Variants in NBAS observed in about 807,000 individuals in gnomAD.
The protein encoded by NBAS is NBAS subunit of NRZ tethering complex.
In NBAS, 219 loss-of-function variants were observed where a neutral mutation model predicts 302.5. That is an observed-to-expected ratio of 0.72 (90% CI 0.65 to 0.81). NBAS has a LOEUF of 0.81. Ranked by LOEUF, NBAS falls within the 30% of genes least tolerant of loss-of-function variation. NBAS has a pLI of 0.00. For missense variants in NBAS, 2,932 were observed against 2,841.6 expected, an observed-to-expected ratio of 1.03 and a Z score of -0.72; for synonymous variants, 1,118 against 1,021.6, an observed-to-expected ratio of 1.09 and a Z score of -1.80.
chr2:15,363,047 A>G (rs1674015026), intron 32 of NBAS, among the ~76,000 whole-genome samples: 1 of 152,222 alleles, frequency 6.6e-6, no homozygotes, highest in East Asian at 1.9e-4. Context: ...ACATAGTGAG[A>G]CCCCGTCTCT....
intron 7 of NBAS, among the ~76,000 whole-genome samples, chr2:15,538,784 T>C (rs1237525370): frequency 6.6e-6 from 1 of 152,180 alleles, no homozygotes; most frequent in Admixed American, 6.5e-5. Flanking sequence ...GAATATAAAA[T>C]CATAATATAT....
chr2:14,886,398 T>C, the NBAS span, among the ~76,000 whole-genome samples: 1 of 152,214 alleles, frequency 6.6e-6, no homozygotes, highest in Non-Finnish European at 1.5e-5. Context: ...AATCATCTCC[T>C]GCGTGAAGCC....
At chr2:15,528,881 AT>A (rs1558414742) in intron 9 of NBAS, among the ~76,000 whole-genome samples, 3,831 of 47,836 alleles carry the variant, frequency 0.08, 183 homozygotes, top group African/African-American at 0.2. Flanking sequence ...AAAAAAAAAT[AT>A]ATATATATAT....
At chr2:15,144,381 C>T in the NBAS span, among the ~76,000 whole-genome samples, 43 of 152,228 alleles carry the variant, frequency 2.8e-4, 1 homozygote, top group Admixed American at 2.3e-3. Context: ...ACCTCCCAGC[C>T]TATTAAATAA....
At chr2:15,132,464 G>C in the NBAS span, among the ~76,000 whole-genome samples, 654 of 152,238 alleles carry the variant, frequency 4.3e-3, 6 homozygotes, top group Non-Finnish European at 6.9e-3. Flanking sequence ...AGTGGATTTG[G>C]GGGGCAGTAA....
the NBAS span, among the ~76,000 whole-genome samples, chr2:15,036,022 A>G: frequency 6.6e-6 from 1 of 151,998 alleles, no homozygotes; most frequent in Non-Finnish European, 1.5e-5. Flanking sequence ...AAGTATGCAC[A>G]TATTTTAAAT....
the NBAS span, among the ~76,000 whole-genome samples, chr2:15,093,686 G>A: frequency 6.6e-6 from 1 of 152,004 alleles, no homozygotes; most frequent in Non-Finnish European, 1.5e-5. Context: ...AGTAAATTAT[G>A]TCCAACACTG....
the NBAS span, among the ~76,000 whole-genome samples, chr2:14,940,078 C>A: frequency 6.6e-6 from 1 of 152,172 alleles, no homozygotes. Context: ...TGCCTTTCAG[C>A]CACTAGTTTA....
At chr2:15,106,363 T>G in the NBAS span, among the ~76,000 whole-genome samples, 1 of 152,214 alleles carries the variant, frequency 6.6e-6, no homozygotes, top group South Asian at 2.1e-4. Flanking sequence ...CACAGAGTAA[T>G]GTGACAAGTG....
intron 44 of NBAS, among the ~76,000 whole-genome samples, chr2:15,264,514 T>C (rs1446146021): frequency 6.6e-6 from 1 of 152,196 alleles, no homozygotes; most frequent in African/African-American, 2.4e-5. Flanking sequence ...GAAATAATTT[T>C]CCAAGCACAG....
At chr2:15,098,837 T>G in the NBAS span, among the ~76,000 whole-genome samples, 1 of 150,566 alleles carries the variant, frequency 6.6e-6, no homozygotes, top group Non-Finnish European at 1.5e-5. Context: ...TTACATATTG[T>G]CTGTGGCTGC....
At chr2:15,402,447 G>A in intron 25 of NBAS, 146 bp from the exon 26 acceptor site, 1 of 792,290 alleles carries the variant, frequency 1.3e-6, no homozygotes, top group Non-Finnish European at 2.0e-6. Context: ...TAGATTTCTG[G>A]GGTCTTTAAT....
Position 15,179,245 on chromosome 2 carries a change from C to A in NBAS, c.6712-129G>T. On this transcript the variant is annotated intron_variant, in intron 50 of 51. Transcript: ENST00000281513. ...TGTGTGTGTAAAGCCACATATGGTA[C>A]CGCACTGGATATACTGAATATGGGC... is the stretch of plus-strand genomic sequence containing the variant. The A allele has an allele frequency of 3.6e-6, 5 of 1,378,968 alleles. No homozygotes were observed. The South Asian group carries it at 3.7e-5, about 10-fold the overall frequency. The allele number at this position is 1,378,968 out of a possible 1,614,324, so 85.4% of individuals were successfully genotyped here.
the NBAS span, among the ~76,000 whole-genome samples, chr2:15,136,426 G>A: frequency 3.3e-5 from 5 of 152,330 alleles, no homozygotes; most frequent in Admixed American, 3.3e-4. Context: ...ATTGTAGCCT[G>A]AAAATGGTGA....
At chr2:14,831,501 A>G in the NBAS span, among the ~76,000 whole-genome samples, 1 of 152,208 alleles carries the variant, frequency 6.6e-6, no homozygotes, top group Non-Finnish European at 1.5e-5. Context: ...TTAATAATGC[A>G]GGGGAAGGCT....
At chr2:15,292,903 C>T (rs960707601) in intron 40 of NBAS, 137 bp from the exon 41 acceptor site, 40 of 879,398 alleles carry the variant, frequency 4.5e-5, no homozygotes, top group Non-Finnish European at 6.3e-5. Flanking sequence ...AGGCTCACAA[C>T]GGCCCTGAAA....
chr2:15,167,447 G>A (rs1276295728), intron 51 of NBAS, 124 bp from the exon 52 acceptor site: 34 of 1,250,964 alleles, frequency 2.7e-5, no homozygotes, highest in South Asian at 1.3e-4. Context: ...GTTTAAAAGC[G>A]TGTGTGGGTC....
At chr2:15,392,997 T>TA (rs1558298478) in intron 28 of NBAS, among the ~76,000 whole-genome samples, 1 of 151,988 alleles carries the variant, frequency 6.6e-6, no homozygotes, top group East Asian at 1.9e-4. Context: ...ACTGCAAAGG[T>TA]AATTCAGTAG....
chr2:14,957,186 C>T, the NBAS span, among the ~76,000 whole-genome samples: 1 of 152,120 alleles, frequency 6.6e-6, no homozygotes, highest in Non-Finnish European at 1.5e-5. Context: ...AGACTTCTCT[C>T]CAGAACCGAC....
Sources: gnomAD v4.1 joint callset for allele counts (sites outside exome capture counted in the v4.1 genomes callset) on GRCh38, gnomAD v4.1.1 for gene constraint, MANE v1.5 for transcripts, NCBI Gene and HGNC (gene_info 2026-07-23, HGNC 2026-07-21) for gene names.